Variants in PHKB observed in about 807,000 individuals in gnomAD.
The protein encoded by PHKB is phosphorylase b kinase regulatory subunit beta.
PHKB carries 122 observed loss-of-function variants against 152.1 expected under a neutral mutation model. That is an observed-to-expected ratio of 0.80 (90% CI 0.69 to 0.93). The LOEUF (loss-of-function observed/expected upper bound fraction) is 0.93. PHKB is among the 40% of genes least tolerant of loss of function. The probability of loss-of-function intolerance (pLI) is 0.00; values close to 1 mark genes in which losing one functional copy is unlikely to be tolerated. For missense variants in PHKB, 1,304 were observed against 1,328.4 expected, an observed-to-expected ratio of 0.98 and a Z score of 0.29; for synonymous variants, 436 against 464.9, an observed-to-expected ratio of 0.94 and a Z score of 0.80.
chr16:47,659,767 C>CACAGTGCA (rs1973404911), intron 20 of PHKB, among the ~76,000 whole-genome samples: 1 of 152,194 alleles, frequency 6.6e-6, no homozygotes, highest in South Asian at 2.1e-4. Flanking sequence ...CCCAGAAATA[C>CACAGTGCA]ATTACAGTAG....
intron 14 of PHKB, among the ~76,000 whole-genome samples, chr16:47,617,200 A>C (rs913941323): frequency 6.8e-6 from 1 of 148,086 alleles, no homozygotes; most frequent in African/African-American, 2.4e-5. Flanking sequence ...AGTATATACT[A>C]AGTAATATAA....
chr16:47,664,877 A>T lies in PHKB; in HGVS notation c.2337-8A>T. 1 of 1,605,834 alleles carries T rather than the reference A, an allele frequency of 6.2e-7. No individual in the cohort carries two copies. The highest frequency in any genetic ancestry group is 1.7e-5 in the Admixed American group (1 of 59,908). ...TTCCCTTTTATGGCTTTCCACTGAC[A>T]CACCCAGGTTGGCGGTGCGCTACGG... is the stretch of plus-strand genomic sequence containing the variant. On this transcript the variant is annotated splice_polypyrimidine_tract_variant and splice_region_variant and intron_variant, in intron 24 of 30. Coordinates refer to ENST00000323584, the MANE Select transcript of PHKB (RefSeq NM_000293.3).
At chr16:47,499,968 C>T in intron 3 of PHKB, 74 bp downstream of exon 3, 3 of 1,558,370 alleles carry the variant, frequency 1.9e-6, no homozygotes, top group Non-Finnish European at 1.8e-6. Flanking sequence ...ACTAATTGAG[C>T]CGCTATCTTT....
intron 26 of PHKB, among the ~76,000 whole-genome samples, chr16:47,681,126 T>C (rs1002530026): frequency 3.3e-5 from 5 of 152,246 alleles, no homozygotes; most frequent in Non-Finnish European, 7.3e-5. Context: ...TACACTGTGG[T>C]CTGAGAAACA....
At chr16:47,652,513 AGT>A (rs1200862962) in intron 20 of PHKB, among the ~76,000 whole-genome samples, 2 of 151,782 alleles carry the variant, frequency 1.3e-5, no homozygotes, top group Non-Finnish European at 2.9e-5. Flanking sequence ...CCCACCAAAC[AGT>A]GTATAACATT....
intron 10 of PHKB, among the ~76,000 whole-genome samples, chr16:47,593,164 G>A (rs375224605): frequency 5.7e-4 from 75 of 131,336 alleles, no homozygotes; most frequent in African/African-American, 1.8e-3. Context: ...AAGAAGAAAG[G>A]GAGAGGGAGA....
At chr16:47,562,094 G>C (rs1406654422) in intron 7 of PHKB, 2 of 152,218 alleles carry the variant, frequency 1.3e-5, no homozygotes, top group Non-Finnish European at 2.9e-5. Flanking sequence ...CCAAAAGAAG[G>C]GCTCCTGAAA....
intron 26 of PHKB, among the ~76,000 whole-genome samples, chr16:47,670,315 G>T (rs544595634): frequency 6.6e-6 from 1 of 152,252 alleles, no homozygotes; most frequent in South Asian, 2.1e-4. Context: ...AAACATACAT[G>T]TATGTGTATG....
rs796387588 is a variant in PHKB, at chr16:47,661,684, TC to T, written c.2197-34del. On this transcript the variant is annotated intron_variant, in intron 22 of 30. Transcript: ENST00000323584. ...CTCTGTGGTAACTGCTGTACCCATT[TC>T]ATTCCAGTTCCTCACCGTGATTTAT... is the stretch of plus-strand genomic sequence containing the variant. The T allele has an allele frequency of 2.1e-6, 3 of 1,435,722 alleles. No individual in the cohort carries two copies. The South Asian group carries it at 3.4e-5, about 16-fold the overall frequency. 88.9% of individuals were successfully genotyped at this position (1,435,722 alleles called of 1,614,324 possible).
intron 14 of PHKB, among the ~76,000 whole-genome samples, chr16:47,616,264 G>A (rs1972512412): frequency 6.6e-6 from 1 of 151,728 alleles, no homozygotes; most frequent in Non-Finnish European, 1.5e-5. Context: ...AGGTCATGAA[G>A]ATTTGTGTCT....
Position 47,652,941 on chromosome 16 carries a change from C to G in PHKB, c.1971+2020C>G, listed in dbSNP as rs1973265210. 2.6e-5 allele frequency among the ~76,000 whole-genome samples: 4 copies of G among 152,138 alleles called. No homozygotes were observed. The South Asian group carries it at 8.3e-4, about 31-fold the overall frequency. On this transcript the variant is annotated intron_variant, in intron 20 of 30. Coordinates refer to ENST00000323584, the MANE Select transcript of PHKB (RefSeq NM_000293.3). The stretch of plus-strand genomic sequence containing the variant: ...TACAGGCATAAGCCACTGCAACCAA[C>G]CTCATTGTGGCTTTGATTCGCATTT...
At chr16:47,555,357 G>C (rs1399146345) in intron 7 of PHKB, among the ~76,000 whole-genome samples, 1 of 152,182 alleles carries the variant, frequency 6.6e-6, no homozygotes, top group East Asian at 1.9e-4. Context: ...ATGAACAGAA[G>C]ATTGTGAATT....
intron 20 of PHKB, among the ~76,000 whole-genome samples, chr16:47,652,829 G>C (rs774754534): frequency 1.3e-5 from 2 of 152,054 alleles, no homozygotes; most frequent in Non-Finnish European, 2.9e-5. Flanking sequence ...TTTTTGTAGA[G>C]ACAGCATCTT....
chr16:47,574,808 G>C (rs1971722648), intron 7 of PHKB, among the ~76,000 whole-genome samples: 1 of 152,188 alleles, frequency 6.6e-6, no homozygotes. Context: ...TTGGGGATCA[G>C]ATTTCAACAT....
chr16:47,593,425 G>A (rs888731501), intron 10 of PHKB, 75 bp from the exon 11 acceptor site: 3 of 832,952 alleles, frequency 3.6e-6, no homozygotes, highest in Non-Finnish European at 4.0e-6. Context: ...GGGCCACAGA[G>A]TGAGATCTTG....
chr16:47,566,936 G>C (rs947436206), intron 7 of PHKB: 1 of 565,704 alleles, frequency 1.8e-6, no homozygotes, highest in Non-Finnish European at 3.2e-6. Context: ...TATTGTTGAG[G>C]CTGCCATGTT....
intron 16 of PHKB, among the ~76,000 whole-genome samples, 170 bp downstream of exon 16, chr16:47,641,862 A>G (rs1303168837): frequency 6.7e-6 from 1 of 148,418 alleles, no homozygotes. Flanking sequence ...CATTGTTACT[A>G]AAAAAAAAAC....
In PHKB at chr16:47,503,040, A is replaced by G. The variant is rs142404586; in HGVS notation, c.355A>G (p.Ile119Val). Residue 119 changes from isoleucine (I) to valine (V), a missense_variant, in exon 4 of 31, where the codon ATA (isoleucine) becomes GTA (valine). By Grantham distance (29) the Ile-to-Val change is conservative. Coordinates refer to ENST00000323584, the MANE Select transcript of PHKB (RefSeq NM_000293.3). ...GRTHELEHSA[I>V]KCMRGILYCY... ...GACCCATGAGCTGGAGCACTCAGCT[A>G]TAAAATGCATGAGAGGAATTCTCTA... 5.6e-6 allele frequency: 9 copies of G among 1,613,724 alleles called. No homozygotes were observed. Among genetic ancestry groups the G allele is most frequent in the South Asian group, 1.1e-5 (1 of 91,078 alleles).
At chr16:47,558,191 A>C (rs959639271) in intron 7 of PHKB, among the ~76,000 whole-genome samples, 11 of 144,850 alleles carry the variant, frequency 7.6e-5, no homozygotes, top group African/African-American at 2.8e-4. Flanking sequence ...CAATGAGAAC[A>C]CATGGACACA....
Sources: allele counts gnomAD v4.1 joint callset (sites outside exome capture counted in the v4.1 genomes callset), GRCh38; gene constraint gnomAD v4.1.1; transcripts MANE v1.5; gene names NCBI Gene and HGNC (gene_info 2026-07-23, HGNC 2026-07-21).